The following GATA3 variants were observed in gnomAD, a reference collection of about 807,000 sequenced individuals.
GATA3 encodes the protein trans-acting T-cell-specific transcription factor GATA-3.
GATA3 carries 6 observed loss-of-function variants against 36.0 expected under a neutral mutation model. The ratio of observed to expected loss-of-function variants is 0.17; its 90% CI spans 0.09 to 0.33. The LOEUF (loss-of-function observed/expected upper bound fraction) is 0.33. GATA3 is among the 10% of genes least tolerant of loss of function. The pLI is 1.00. For synonymous variants in GATA3, 326 were observed against 273.0 expected (o/e 1.19, Z -1.92); for missense variants, 514 against 610.1 (o/e 0.84, Z 1.66).
rs547520143 is a variant in GATA3 at position 8,056,179 on chromosome 10, C to T, written c.241+283C>T. Among the ~76,000 whole-genome samples, 17 of 152,174 alleles carry T rather than the reference C, an allele frequency of 1.1e-4. No homozygotes were observed. The East Asian group carries it at 3.1e-3, about 28-fold the overall frequency. On this transcript the variant is annotated intron_variant, in intron 2 of 5. Transcript: ENST00000379328. The stretch of plus-strand genomic sequence containing the variant: ...GCCAGGCCGCAGCCCTCCGTCTCTG[C>T]GCGGCTGCAGGTTTTGGGGTGGGGG...
chr10:8,058,884 C>A, intron 3 of GATA3, 43 bp downstream of exon 3: 1 of 1,581,922 alleles, frequency 6.3e-7, no homozygotes, highest in Middle Eastern at 1.7e-4. Flanking sequence ...CCTCCCTCCT[C>A]CCCTTTTCCT....
intron 4 of GATA3, 69 bp downstream of exon 4, chr10:8,064,207 G>T: frequency 6.3e-7 from 1 of 1,597,788 alleles, no homozygotes; most frequent in Non-Finnish European, 8.6e-7. Context: ...TCTTCCGGAA[G>T]GACAGCTTTC....
At chr10:8,073,188 G>A (rs1440597288) in intron 5 of GATA3, among the ~76,000 whole-genome samples, 1 of 148,754 alleles carries the variant, frequency 6.7e-6, no homozygotes, top group Non-Finnish European at 1.5e-5. Context: ...TTTAAGAAAG[G>A]CATGGTTTCA....
In GATA3 at chr10:8,058,355, G is replaced by C. The variant is rs2131488305; in HGVS notation, c.292G>C (p.Asp98His). Residue 98 changes from aspartate (D) to histidine (H), a missense_variant, in exon 3 of 6, where the codon GAC becomes CAC. This residue lies in a region of GATA3 where 381 missense variants were observed against 354.3 expected (regional missense o/e 1.08). Transcript: ENST00000379328. ...GCTTCATGGATCCCTACCCTGGCTG[G>C]ACGGCGGCAAAGCCCTGGGCAGCCA... Reference protein sequence around the residue: ...PLLHGSLPWLDGGKALGSHHT... With the variant: ...PLLHGSLPWLHGGKALGSHHT... 1 of 1,613,174 alleles carries C rather than the reference G, an allele frequency of 6.2e-7. No individual in the cohort carries two copies. Among genetic ancestry groups the C allele is most frequent in the East Asian group, 2.2e-5 (1 of 44,864 alleles).
intron 2 of GATA3, among the ~76,000 whole-genome samples, chr10:8,057,341 G>A (rs905489176): frequency 2.0e-5 from 3 of 152,202 alleles, no homozygotes; most frequent in Non-Finnish European, 4.4e-5. Flanking sequence ...ACCCCTCAGA[G>A]TGTATGAGTT....
intron 5 of GATA3, among the ~76,000 whole-genome samples, chr10:8,073,324 A>G (rs1413633528): frequency 3.9e-5 from 6 of 152,150 alleles, no homozygotes; most frequent in Non-Finnish European, 8.8e-5. Flanking sequence ...TCTTCAAGGC[A>G]GACAGCCTTA....
Position 8,058,551 on chromosome 10 carries a change from C to A in GATA3, c.488C>A (p.Pro163Gln). 1 of 1,612,378 alleles carries A rather than the reference C, an allele frequency of 6.2e-7. No homozygotes were observed. The highest frequency in any genetic ancestry group is 1.1e-5 in the South Asian group (1 of 91,068). ...CCCACCCCGCCGAAGGACGTCTCCC[C>A]GGACCCATCGCTGTCCACCCCAGGC... is the stretch of plus-strand genomic sequence containing the variant. Reference protein sequence around the residue: ...FPPTPPKDVSPDPSLSTPGSA... With the variant: ...FPPTPPKDVSQDPSLSTPGSA... The change falls in exon 3 of 6, where the codon CCG (proline) becomes CAG (glutamine). Residue 163 changes from proline to glutamine, a missense_variant. Coordinates refer to ENST00000379328, the MANE Select transcript of GATA3 (RefSeq NM_001002295.2).
upstream of GATA3, among the ~76,000 whole-genome samples, chr10:8,048,894 T>C (rs1206308951): frequency 2.3e-5 from 3 of 133,128 alleles, no homozygotes; most frequent in Non-Finnish European, 3.2e-5. Flanking sequence ...GGGGAAAAGG[T>C]GGTAGTGGCG....
At chr10:8,047,153 T>A (rs928483334) in intron 1 of GATA3, among the ~76,000 whole-genome samples, 2 of 152,126 alleles carry the variant, frequency 1.3e-5, no homozygotes, top group Non-Finnish European at 2.9e-5. Flanking sequence ...GCCCTGAGCA[T>A]TGTTTGGTAG....
At chr10:8,046,211 T>G (rs975390381) in intron 1 of GATA3, among the ~76,000 whole-genome samples, 4 of 152,146 alleles carry the variant, frequency 2.6e-5, no homozygotes, top group African/African-American at 9.7e-5. Flanking sequence ...CTCCAAAAAG[T>G]CACTCAGAGG....
intron 4 of GATA3, among the ~76,000 whole-genome samples, chr10:8,067,035 C>G (rs1832853940): frequency 7.2e-6 from 1 of 139,240 alleles, no homozygotes; most frequent in East Asian, 2.1e-4. Flanking sequence ...AGTAGCTCTT[C>G]TAAAAAAAAA....
At chr10:8,067,201 A>G (rs1832856119) in intron 4 of GATA3, among the ~76,000 whole-genome samples, 2 of 152,206 alleles carry the variant, frequency 1.3e-5, no homozygotes, top group African/African-American at 4.8e-5. Flanking sequence ...GCAGAGGCAT[A>G]TGGGGTTAGA....
rs766636397 is a variant in GATA3, at chr10:8,058,491, G to A, written c.428G>A (p.Gly143Glu). Reference sequence around the variant, plus strand: ...CCGGCCTCGTCCTCCTCCTTGTCGGGGGGCCACGCCAGCCCGCACCTCTTC... The same window carrying A: ...CCGGCCTCGTCCTCCTCCTTGTCGGAGGGCCACGCCAGCCCGCACCTCTTC... ...YPPASSSSLSGGHASPHLFTF... is the reference protein window; with the variant it reads ...YPPASSSSLSEGHASPHLFTF... Residue 143 changes from glycine to glutamate, a missense_variant, in exon 3 of 6, where the codon GGG becomes GAG. Transcript: ENST00000379328. 2 of 1,612,314 alleles carry A rather than the reference G, an allele frequency of 1.2e-6. No homozygotes were observed. Among genetic ancestry groups the A allele is most frequent in the South Asian group, 2.2e-5 (2 of 91,032 alleles).
chr10:8,060,487 G>C (rs1004353901), intron 3 of GATA3, among the ~76,000 whole-genome samples: 1 of 152,070 alleles, frequency 6.6e-6, no homozygotes, highest in Non-Finnish European at 1.5e-5. Flanking sequence ...AATCGAAAGA[G>C]AGCAGACCTA....
In GATA3 at chr10:8,058,627, G is replaced by A. The variant is rs2131490085; in HGVS notation, c.564G>A (p.Val188=). 6.2e-7 allele frequency: 1 copy of A among 1,612,586 alleles called. No homozygotes were observed. The highest frequency in any genetic ancestry group is 8.5e-7 in the Non-Finnish European group (1 of 1,179,944). Reference sequence around the variant, plus strand: ...AGAAAGAGTGCCTCAAGTACCAGGTGCCCCTGCCCGACAGCATGAAGCTGG... The same window carrying A: ...AGAAAGAGTGCCTCAAGTACCAGGTACCCCTGCCCGACAGCATGAAGCTGG... ...QDEKECLKYQ[V]PLPDSMKLES... The change falls in exon 3 of 6, where the codon GTG becomes GTA. Residue 188 remains valine, a synonymous_variant. Transcript: ENST00000379328.
chr10:8,053,326 G>T (rs1832547415), upstream of GATA3: 1 of 152,220 alleles, frequency 6.6e-6, no homozygotes, highest in Non-Finnish European at 1.5e-5. This position sits in a 1 kb window ranked among gnomAD's most constrained non-coding sequence, Gnocchi z 5.1. Context: ...GATAGCCTGC[G>T]GGGGAACCCA....
At chr10:8,048,956 G>T (rs1325155476), upstream of GATA3, among the ~76,000 whole-genome samples, 5 of 149,792 alleles carry the variant, frequency 3.3e-5, no homozygotes, top group Non-Finnish European at 7.4e-5. Flanking sequence ...GCTGGGGGCG[G>T]AGTGCGGGGG....
At chr10:8,058,922 C>A (rs2131491559) in intron 3 of GATA3, 81 bp downstream of exon 3, 1 of 1,377,986 alleles carries the variant, frequency 7.3e-7, no homozygotes. Flanking sequence ...CAGAGGGACC[C>A]CTCAGGGGAG....
chr10:8,068,826 G>A (rs778051264), intron 4 of GATA3, among the ~76,000 whole-genome samples: 6 of 152,220 alleles, frequency 3.9e-5, no homozygotes, highest in Non-Finnish European at 2.9e-5. Flanking sequence ...CCTACTTGGC[G>A]CTTCCTCAGG....
Sources: allele counts gnomAD v4.1 joint callset (sites outside exome capture counted in the v4.1 genomes callset), GRCh38; gene constraint gnomAD v4.1.1; regional missense constraint gnomAD v4.1.1; non-coding constraint Gnocchi (gnomAD v3.1); transcripts MANE v1.5; gene names NCBI Gene and HGNC (gene_info 2026-07-23, HGNC 2026-07-21).